XPA: variants seen among roughly 807,000 people sequenced by gnomAD.
XPA encodes XPA, DNA damage recognition and repair factor, also known as DNA repair protein complementing XP-A cells.
A neutral mutation model predicts 35.7 loss-of-function variants in XPA; 27 were observed. The ratio of observed to expected loss-of-function variants is 0.76; its 90% CI spans 0.56 to 1.04. The LOEUF is 1.04. Among genes scored for constraint, XPA ranks in the 50% least tolerant of loss-of-function variants. The pLI is 0.00. For missense variants in XPA, 354 were observed against 342.7 expected, an observed-to-expected ratio of 1.03 and a Z score of -0.26; for synonymous variants, 133 against 118.4, an observed-to-expected ratio of 1.12 and a Z score of -0.80.
chr9:97,671,556 TACCCAGTAGCATA>T (rs1828194159), downstream of XPA: 1 of 163,096 alleles, frequency 6.1e-6, no homozygotes. Flanking sequence ...TTTACCCAGC[TACCCAGTAGCATA>T]ACTTTTCACA....
the XPA span, chr9:97,658,656 C>A: frequency 6.2e-7 from 1 of 1,610,944 alleles, no homozygotes; most frequent in Non-Finnish European, 8.5e-7. Flanking sequence ...TTACCATCAG[C>A]GTATATTAGA....
intron 3 of XPA, among the ~76,000 whole-genome samples, chr9:97,688,918 C>T (rs1828800104): frequency 6.6e-6 from 1 of 152,000 alleles, no homozygotes; most frequent in Non-Finnish European, 1.5e-5. Flanking sequence ...AAGATAAGAC[C>T]TTCAATGTGC....
At chr9:97,694,664 T>C (rs536666785) in intron 1 of XPA, among the ~76,000 whole-genome samples, 1 of 152,118 alleles carries the variant, frequency 6.6e-6, no homozygotes, top group Admixed American at 6.5e-5. Flanking sequence ...GCTGGTGAGA[T>C]TGGAAACTGA....
At chr9:97,695,106 G>C (rs1359637115) in intron 1 of XPA, among the ~76,000 whole-genome samples, 1 of 152,156 alleles carries the variant, frequency 6.6e-6, no homozygotes, top group Non-Finnish European at 1.5e-5. Context: ...AGGCGCAATA[G>C]GAAAACTTCT....
At chr9:97,676,971 TAAATAAAAAATGA>T (rs996453055) in intron 5 of XPA, among the ~76,000 whole-genome samples, 4 of 152,174 alleles carry the variant, frequency 2.6e-5, no homozygotes, top group Non-Finnish European at 5.9e-5. Flanking sequence ...GGATATTTTC[TAAATAAAAAATGA>T]TATGCTAACC....
At chr9:97,660,940 G>C in the XPA span, 2 of 1,607,756 alleles carry the variant, frequency 1.2e-6, no homozygotes, top group Non-Finnish European at 1.7e-6. Context: ...CCAATTCTGT[G>C]TTTAGATTCT....
chr9:97,689,953 A>G (rs1346288363), intron 2 of XPA, among the ~76,000 whole-genome samples: 2 of 152,222 alleles, frequency 1.3e-5, no homozygotes, highest in East Asian at 1.9e-4. Context: ...ACACACATTT[A>G]TTATCACACG....
chr9:97,682,962 G>A (rs938341433), intron 5 of XPA, among the ~76,000 whole-genome samples: 3 of 152,058 alleles, frequency 2.0e-5, no homozygotes, highest in African/African-American at 4.8e-5. Flanking sequence ...CAAATTACAG[G>A]AATTTAGTTA....
the XPA span, chr9:97,662,976 C>G: frequency 6.2e-7 from 1 of 1,613,058 alleles, no homozygotes; most frequent in Non-Finnish European, 8.5e-7. Context: ...CTTCAAAACC[C>G]TAGCTGAAAG....
intron 5 of XPA, 183 bp from the exon 6 acceptor site, chr9:97,675,770 C>T: frequency 1.4e-6 from 1 of 727,430 alleles, no homozygotes; most frequent in Non-Finnish European, 2.3e-6. Context: ...TACTTTCTTA[C>T]CTCACTAGTT....
At chr9:97,696,441 T>C (rs1325016015) in intron 1 of XPA, among the ~76,000 whole-genome samples, 1 of 152,222 alleles carries the variant, frequency 6.6e-6, no homozygotes, top group Non-Finnish European at 1.5e-5. Context: ...AACTAGTTTT[T>C]GCCAAGAAAT....
At chr9:97,665,932 C>G in the XPA span, among the ~76,000 whole-genome samples, 1 of 152,150 alleles carries the variant, frequency 6.6e-6, no homozygotes, top group South Asian at 2.1e-4. Flanking sequence ...AGGAAACATT[C>G]ATGAAGTGAG....
Position 97,689,639 on chromosome 9 carries a change from C to A in XPA, c.284G>T (p.Gly95Val). Residue 95 changes from glycine (G) to valine (V), a missense_variant and splice_region_variant, in exon 3 of 6, where the codon GGA becomes GTA. By Grantham distance (109) the Gly-to-Val change is moderately radical. Coordinates refer to ENST00000375128, the MANE Select transcript of XPA (RefSeq NM_000380.4). ...QKIGKVVHQP[G>V]PVMEFDYVIC... The stretch of plus-strand genomic sequence containing the variant: ...TACATAATCAAATTCCATAACAGGT[C>A]CTAAGAAAAGGAAAATGAACTCTAG... 1 of 1,587,592 alleles carries A rather than the reference C, an allele frequency of 6.3e-7. No individual in the cohort carries two copies. Among genetic ancestry groups the A allele is most frequent in the Non-Finnish European group, 8.6e-7 (1 of 1,157,012 alleles).
the XPA span, among the ~76,000 whole-genome samples, chr9:97,663,280 G>A: frequency 6.6e-6 from 1 of 152,156 alleles, no homozygotes; most frequent in African/African-American, 2.4e-5. Flanking sequence ...TGTTTTAAAT[G>A]TTCAGGAAAA....
downstream of XPA, chr9:97,672,323 A>C (rs1415129867): frequency 6.6e-6 from 1 of 152,154 alleles, no homozygotes; most frequent in African/African-American, 2.4e-5. Flanking sequence ...TTCTTATTAC[A>C]TCCCAAGTTT....
intron 5 of XPA, among the ~76,000 whole-genome samples, chr9:97,683,700 C>CTTAA (rs2131391181): frequency 8.2e-6 from 1 of 122,262 alleles, no homozygotes; most frequent in Admixed American, 8.3e-5. Context: ...TTGTAATTCT[C>CTTAA]TTTTCTGCAC....
At chr9:97,660,813 T>C in the XPA span, 2 of 1,051,984 alleles carry the variant, frequency 1.9e-6, no homozygotes, top group Non-Finnish European at 2.7e-6. Flanking sequence ...GATTAAATAT[T>C]GACCTTGGGA....
At chr9:97,686,025 A>G (rs538263064) in intron 4 of XPA, among the ~76,000 whole-genome samples, 2 of 152,370 alleles carry the variant, frequency 1.3e-5, no homozygotes, top group East Asian at 1.9e-4. Flanking sequence ...GATTTTAATC[A>G]GCGGCATTTA....
chr9:97,654,690 G>A, the XPA span, among the ~76,000 whole-genome samples: 3 of 152,226 alleles, frequency 2.0e-5, no homozygotes, highest in Non-Finnish European at 4.4e-5. Flanking sequence ...AGTGTATGCA[G>A]GTCAGATTCA....
Sources: gnomAD v4.1 joint callset for allele counts (sites outside exome capture counted in the v4.1 genomes callset) on GRCh38, gnomAD v4.1.1 for gene constraint, MANE v1.5 for transcripts, NCBI Gene and HGNC (gene_info 2026-07-23, HGNC 2026-07-21) for gene names.